ANK2: variants seen among roughly 807,000 people sequenced by gnomAD.
ANK2 encodes the protein ankyrin 2.
A neutral mutation model predicts 360.5 loss-of-function variants in ANK2; 83 were observed. The observed-to-expected ratio is 0.23, with a 90% CI of 0.19 to 0.28. ANK2 has a LOEUF of 0.28. Ranked by LOEUF, ANK2 falls within the 10% of genes least tolerant of loss-of-function variation. ANK2 has a pLI of 1.00. For synonymous variants in ANK2, 1,740 were observed against 1,759.5 expected (o/e 0.99, Z 0.28); for missense variants, 4,201 against 4,795.7 (o/e 0.88, Z 3.66).
intron 36 of ANK2, 76 bp downstream of exon 36, chr4:113,348,384 GTGT>G: frequency 1.3e-6 from 2 of 1,509,760 alleles, no homozygotes; most frequent in African/African-American, 2.7e-5. Flanking sequence ...TAGTTAACCT[GTGT>G]TCTTAGACGG....
chr4:113,089,048 G>T (rs2086388627), intron 1 of ANK2, among the ~76,000 whole-genome samples: 1 of 152,092 alleles, frequency 6.6e-6, no homozygotes, highest in African/African-American at 2.4e-5. Flanking sequence ...CTTACCTGGT[G>T]GTCTCAGGGA....
chr4:113,282,957 G>A (rs1587055298), intron 18 of ANK2, 85 bp downstream of exon 18: 1 of 1,446,384 alleles, frequency 6.9e-7, no homozygotes, highest in East Asian at 2.3e-5. Context: ...GAACAAAAAG[G>A]AGCAATGTAT....
chr4:113,235,028 G>T (rs562197002), intron 5 of ANK2, among the ~76,000 whole-genome samples: 1 of 152,130 alleles, frequency 6.6e-6, no homozygotes, highest in African/African-American at 2.4e-5. Flanking sequence ...TTTTTATACA[G>T]TATTTCTCTA....
intron 1 of ANK2, among the ~76,000 whole-genome samples, chr4:112,895,193 C>G (rs1461777465): frequency 6.6e-6 from 1 of 152,080 alleles, no homozygotes; most frequent in Non-Finnish European, 1.5e-5. Flanking sequence ...AGCATTGAAC[C>G]ACTTAGAGTT....
chr4:112,729,961 G>A, the ANK2 span, among the ~76,000 whole-genome samples: 2 of 152,188 alleles, frequency 1.3e-5, no homozygotes, highest in East Asian at 1.9e-4. Flanking sequence ...AAACATAGAA[G>A]CAAAGAGTAG....
Position 113,346,010 on chromosome 4 carries a change from G to C in ANK2, c.4359G>C (p.Pro1453=). 1 of 1,613,318 alleles carries C rather than the reference G, an allele frequency of 6.2e-7. No homozygotes were observed. The highest frequency in any genetic ancestry group is 8.5e-7 in the Non-Finnish European group (1 of 1,179,440). Reference sequence around the variant, plus strand: ...TTTGCAACTTAAACATCACTTTGCCGATTTATACAAAGGTATCGTAAAATC... The same window carrying C: ...TTTGCAACTTAAACATCACTTTGCCCATTTATACAAAGGTATCGTAAAATC... ...QAICNLNITL[P]IYTKESESDQ... is the part of the protein sequence containing the mutation. Residue 1453 remains proline (P), a synonymous_variant, in exon 35 of 46, where the codon CCG becomes CCC. Coordinates refer to ENST00000357077, the MANE Select transcript of ANK2 (RefSeq NM_001148.6).
At chr4:112,730,909 G>A in the ANK2 span, among the ~76,000 whole-genome samples, 1 of 151,698 alleles carries the variant, frequency 6.6e-6, no homozygotes, top group Non-Finnish European at 1.5e-5. Flanking sequence ...GGAGGCCGAG[G>A]AGGGAGGATC....
At chr4:112,997,698 T>C (rs573072398) in intron 2 of ANK2, among the ~76,000 whole-genome samples, 1 of 152,152 alleles carries the variant, frequency 6.6e-6, no homozygotes, top group East Asian at 1.9e-4. Flanking sequence ...ATTTTTTTCA[T>C]TGACAAGTAA....
chr4:113,281,597 G>T (rs928139517), intron 17 of ANK2, among the ~76,000 whole-genome samples: 2 of 151,992 alleles, frequency 1.3e-5, no homozygotes, highest in African/African-American at 4.8e-5. Flanking sequence ...TGGTCATTAT[G>T]CTCTCTTTCC....
intron 45 of ANK2, among the ~76,000 whole-genome samples, chr4:113,375,673 C>T (rs935665075): frequency 1.9e-4 from 29 of 149,238 alleles, no homozygotes; most frequent in African/African-American, 6.2e-4. Flanking sequence ...TGCAGTGAGC[C>T]GAGATTGCAC....
intron 2 of ANK2, among the ~76,000 whole-genome samples, chr4:112,985,406 T>C (rs1157878896): frequency 6.6e-6 from 1 of 152,190 alleles, no homozygotes; most frequent in Non-Finnish European, 1.5e-5. Flanking sequence ...GGGTGAAAAA[T>C]AGGCAATGAG....
chr4:112,843,298 A>T (rs940772204), intron 1 of ANK2, among the ~76,000 whole-genome samples: 1 of 152,200 alleles, frequency 6.6e-6, no homozygotes, highest in Non-Finnish European at 1.5e-5. Context: ...TTTATATTAA[A>T]TTAGCACTTC....
chr4:113,005,538 C>G (rs1205514082), intron 2 of ANK2, among the ~76,000 whole-genome samples: 1 of 151,950 alleles, frequency 6.6e-6, no homozygotes, highest in African/African-American at 2.4e-5. Flanking sequence ...AACAGTCGCT[C>G]TCATGGACAT....
chr4:112,890,194 G>A (rs1446952529), intron 1 of ANK2, among the ~76,000 whole-genome samples: 1 of 152,040 alleles, frequency 6.6e-6, no homozygotes, highest in South Asian at 2.1e-4. Flanking sequence ...AACATTTCTT[G>A]CCAAATATTT....
chr4:112,756,959 C>T, the ANK2 span, among the ~76,000 whole-genome samples: 5 of 151,814 alleles, frequency 3.3e-5, no homozygotes, highest in East Asian at 3.9e-4. Flanking sequence ...GATGACAGAA[C>T]GAGACTCCAT....
At chr4:113,204,748 C>T (rs2098919399) in intron 4 of ANK2, among the ~76,000 whole-genome samples, 1 of 152,108 alleles carries the variant, frequency 6.6e-6, no homozygotes, top group African/African-American at 2.4e-5. Flanking sequence ...TGTACACCTT[C>T]TACTTGAATT....
At chr4:112,816,733 G>A (rs1047900188), upstream of ANK2, among the ~76,000 whole-genome samples, 2 of 152,156 alleles carry the variant, frequency 1.3e-5, no homozygotes, top group African/African-American at 2.4e-5. Context: ...TGTCTTGGCC[G>A]GGCACAGTGG....
At chr4:113,287,951 T>C (rs1042592219) in intron 19 of ANK2, among the ~76,000 whole-genome samples, 21 of 152,350 alleles carry the variant, frequency 1.4e-4, no homozygotes, top group Admixed American at 1.2e-3. Context: ...GCCTTAAGTC[T>C]ATCCTCTCTC....
At chr4:112,869,596 T>C (rs2072082075) in intron 1 of ANK2, among the ~76,000 whole-genome samples, 1 of 152,240 alleles carries the variant, frequency 6.6e-6, no homozygotes, top group African/African-American at 2.4e-5. Context: ...AATTTCTTAA[T>C]AGTATCTTTT....
Sources: allele counts gnomAD v4.1 joint callset (sites outside exome capture counted in the v4.1 genomes callset), GRCh38; gene constraint gnomAD v4.1.1; transcripts MANE v1.5; gene names NCBI Gene and HGNC (gene_info 2026-07-23, HGNC 2026-07-21).